The following KIAA1549 variants were observed in gnomAD, a reference collection of about 807,000 sequenced individuals.
KIAA1549 encodes UPF0606 protein KIAA1549.
KIAA1549 carries 70 observed loss-of-function variants against 156.4 expected under a neutral mutation model. The ratio of observed to expected loss-of-function variants is 0.45; its 90% confidence interval spans 0.37 to 0.55. The LOEUF (loss-of-function observed/expected upper bound fraction) is 0.55. Among genes scored for constraint, KIAA1549 ranks in the 20% least tolerant of loss-of-function variants. KIAA1549 has a pLI of 0.00. For missense variants in KIAA1549, 2,428 were observed against 2,540.9 expected (o/e 0.96, Z 0.96); for synonymous variants, 1,103 against 1,066.4 (o/e 1.03, Z -0.67).
At chr7:138,951,126 T>C (rs1371878186) in intron 1 of KIAA1549, among the ~76,000 whole-genome samples, 2 of 152,008 alleles carry the variant, frequency 1.3e-5, no homozygotes, top group Non-Finnish European at 2.9e-5. Context: ...AATGCAGTGG[T>C]GCAATCTCGG....
intron 9 of KIAA1549, among the ~76,000 whole-genome samples, chr7:138,896,787 G>C (rs1811696407): frequency 6.6e-6 from 1 of 151,730 alleles, no homozygotes; most frequent in Non-Finnish European, 1.5e-5. Flanking sequence ...TATTTGTAGA[G>C]ATGGGGTCTT....
chr7:138,924,732 G>A (rs773084370), intron 1 of KIAA1549, among the ~76,000 whole-genome samples: 16 of 152,136 alleles, frequency 1.1e-4, no homozygotes, highest in African/African-American at 3.9e-4. Context: ...AATCACTTCT[G>A]CAGTTAACTC....
intron 17 of KIAA1549, among the ~76,000 whole-genome samples, chr7:138,847,278 G>A (rs1451978852): frequency 6.6e-6 from 1 of 152,130 alleles, no homozygotes; most frequent in Non-Finnish European, 1.5e-5. Context: ...GGACTAACTT[G>A]GGTAACTGGA....
Position 138,833,936 on chromosome 7 carries a change from T to C in KIAA1549, c.*3970A>G, listed in dbSNP as rs547812674. 20 of 232,158 alleles carry C rather than the reference T, an allele frequency of 8.6e-5. No individual in the cohort carries two copies. The Admixed American group carries it at 9.6e-4, about 11-fold the overall frequency. The allele number at this position is 232,158 out of a possible 1,614,324, so 14.4% of individuals were successfully genotyped here. A position where few individuals can be genotyped will look rare whatever the true frequency, so the allele number is the denominator to read the frequency against. On this transcript the variant is annotated 3_prime_UTR_variant, in exon 20 of 20. Coordinates refer to ENST00000422774, the MANE Select transcript of KIAA1549 (RefSeq NM_001164665.2). Reference sequence around the variant, plus strand: ...CTCCCTCAATAGTGCAGTCGGGGATTCTGTCCCCATATCAAAGCAGATCAA... The same window carrying C: ...CTCCCTCAATAGTGCAGTCGGGGATCCTGTCCCCATATCAAAGCAGATCAA...
At chr7:138,846,407 C>T (rs929410778) in intron 17 of KIAA1549, among the ~76,000 whole-genome samples, 1 of 151,778 alleles carries the variant, frequency 6.6e-6, no homozygotes, top group Admixed American at 6.6e-5. Flanking sequence ...TGGTGGCGCG[C>T]ACAAGTAATC....
intron 1 of KIAA1549, among the ~76,000 whole-genome samples, chr7:138,921,385 G>C (rs1348217123): frequency 6.6e-6 from 1 of 152,160 alleles, no homozygotes. Flanking sequence ...CTTTCTGGCG[G>C]AAAACCCAGG....
At chr7:138,847,265 A>C (rs1810105565) in intron 17 of KIAA1549, among the ~76,000 whole-genome samples, 2 of 152,170 alleles carry the variant, frequency 1.3e-5, no homozygotes, top group Admixed American at 1.3e-4. Context: ...GCTATTAATA[A>C]TGGGACTAAC....
intron 10 of KIAA1549, among the ~76,000 whole-genome samples, chr7:138,887,463 C>A (rs1162207077): frequency 6.6e-6 from 1 of 152,064 alleles, no homozygotes; most frequent in Non-Finnish European, 1.5e-5. Context: ...GCAGGCAGCC[C>A]TTTTACAGGG....
chr7:138,870,441 G>A (rs149128193), intron 13 of KIAA1549, among the ~76,000 whole-genome samples: 64 of 152,302 alleles, frequency 4.2e-4, no homozygotes, highest in African/African-American at 1.5e-3. Flanking sequence ...CTCCTTTAGA[G>A]ATCTTTAATA....
intron 1 of KIAA1549, among the ~76,000 whole-genome samples, chr7:138,975,597 C>A (rs1814353119): frequency 1.3e-5 from 2 of 152,126 alleles, no homozygotes. Context: ...GGTAACTTGT[C>A]CATAGTCACA....
At chr7:138,971,224 C>T (rs535143633) in intron 1 of KIAA1549, among the ~76,000 whole-genome samples, 1 of 152,304 alleles carries the variant, frequency 6.6e-6, no homozygotes, top group Admixed American at 6.5e-5. Context: ...TCCCTTCTCA[C>T]TCTCCTCTGG....
At chr7:138,945,685 C>T (rs1026249830) in intron 1 of KIAA1549, among the ~76,000 whole-genome samples, 1 of 152,256 alleles carries the variant, frequency 6.6e-6, no homozygotes, top group African/African-American at 2.4e-5. Context: ...TACTTTAAAA[C>T]CAGAACGCTA....
intron 10 of KIAA1549, among the ~76,000 whole-genome samples, chr7:138,891,188 G>A (rs541128503): frequency 8.7e-4 from 132 of 152,364 alleles, no homozygotes; most frequent in Admixed American, 1.4e-3. Flanking sequence ...GTTGGTAACT[G>A]AGCCGGATCT....
At chr7:138,950,981 C>T (rs1223724095) in intron 1 of KIAA1549, among the ~76,000 whole-genome samples, 1 of 152,140 alleles carries the variant, frequency 6.6e-6, no homozygotes, top group Non-Finnish European at 1.5e-5. Flanking sequence ...TCACCAGTTA[C>T]CTCCCTACCT....
chr7:138,894,354 C>A lies in KIAA1549; in HGVS notation c.4020G>T (p.Gln1340His). 1 of 1,614,004 alleles carries A rather than the reference C, an allele frequency of 6.2e-7. No homozygotes were observed. The highest frequency in any genetic ancestry group is 8.5e-7 in the Non-Finnish European group (1 of 1,179,894). ...GGCTGCCCGTTACCTTCTGACGCTG[C>A]TGAATGTTGGCCACAGTGTCAGGCT... ...DFQPDTVANI[Q>H]QRQKLQIPSV... The change falls in exon 10 of 20, where the codon CAG becomes CAT. Residue 1340 changes from glutamine to histidine, a missense_variant. Physicochemically the swap from Gln to His is conservative, Grantham distance 24. Transcript: ENST00000422774.
intron 10 of KIAA1549, among the ~76,000 whole-genome samples, chr7:138,886,941 GC>G (rs1811408711): frequency 6.6e-6 from 1 of 151,754 alleles, no homozygotes; most frequent in Admixed American, 6.6e-5. Context: ...TCACTCTGTT[GC>G]CCAGGCTGGA....
chr7:138,930,765 T>C (rs1372475338), intron 1 of KIAA1549, among the ~76,000 whole-genome samples: 1 of 152,216 alleles, frequency 6.6e-6, no homozygotes, highest in Non-Finnish European at 1.5e-5. Context: ...GCAACAAGGC[T>C]GTTTTGCTTT....
At chr7:138,974,199 C>T (rs1814305623) in intron 1 of KIAA1549, among the ~76,000 whole-genome samples, 1 of 152,130 alleles carries the variant, frequency 6.6e-6, no homozygotes, top group Admixed American at 6.6e-5. Flanking sequence ...TGAGATAGCA[C>T]CTCAAACCTG....
chr7:138,942,007 T>C (rs1813197269), intron 1 of KIAA1549, among the ~76,000 whole-genome samples: 1 of 152,242 alleles, frequency 6.6e-6, no homozygotes, highest in Admixed American at 6.5e-5. Flanking sequence ...TCAATTTTTA[T>C]AAGCTCATGT....
Sources: gnomAD v4.1 joint callset for allele counts (sites outside exome capture counted in the v4.1 genomes callset) on GRCh38, gnomAD v4.1.1 for gene constraint, MANE v1.5 for transcripts, NCBI Gene and HGNC (gene_info 2026-07-23, HGNC 2026-07-21) for gene names.